PTPRD: variants seen among roughly 807,000 people sequenced by gnomAD.
PTPRD encodes the protein protein tyrosine phosphatase receptor type D.
In PTPRD, 34 loss-of-function variants were observed where a neutral mutation model predicts 214.5. The observed-to-expected ratio is 0.16, with a 90% CI of 0.12 to 0.21. The LOEUF (loss-of-function observed/expected upper bound fraction) is 0.21, where lower values mean the gene tolerates loss of function less well. PTPRD is among the 10% of genes least tolerant of loss of function. The pLI is 1.00. For missense variants in PTPRD, 2,545 were observed against 2,398.7 expected (o/e 1.06, Z -1.27); for synonymous variants, 1,128 against 845.7 (o/e 1.33, Z -5.79).
chr9:9,954,391 T>C (rs566339104), intron 4 of PTPRD, among the ~76,000 whole-genome samples: 234 of 149,844 alleles, frequency 1.6e-3, no homozygotes, highest in Non-Finnish European at 1.9e-3. Context: ...AATTGTATCA[T>C]CTTTTTTTCT....
chr9:10,518,498 T>C (rs1266479478), intron 2 of PTPRD, among the ~76,000 whole-genome samples: 1 of 152,142 alleles, frequency 6.6e-6, no homozygotes. Flanking sequence ...TGTGTACAGC[T>C]TGGTCAAGGT....
At chr9:8,929,012 G>C (rs1268860178) in intron 11 of PTPRD, among the ~76,000 whole-genome samples, 1 of 152,158 alleles carries the variant, frequency 6.6e-6, no homozygotes, top group African/African-American at 2.4e-5. Flanking sequence ...GTATAGGAAT[G>C]CCTGTGATTT....
intron 6 of PTPRD, among the ~76,000 whole-genome samples, chr9:9,753,918 A>G (rs1481184127): frequency 6.6e-6 from 1 of 152,048 alleles, no homozygotes; most frequent in Non-Finnish European, 1.5e-5. Context: ...ATTTTCTAAG[A>G]AAACTCGGAT....
intron 8 of PTPRD, among the ~76,000 whole-genome samples, chr9:9,481,729 A>C (rs1335897101): frequency 6.6e-6 from 1 of 152,108 alleles, no homozygotes; most frequent in Non-Finnish European, 1.5e-5. Flanking sequence ...GCTGGCGTTC[A>C]GTTCTATTCT....
intron 3 of PTPRD, among the ~76,000 whole-genome samples, chr9:10,183,390 G>T (rs73641868): frequency 5.7e-4 from 86 of 152,154 alleles, no homozygotes; most frequent in Non-Finnish European, 9.0e-4. Context: ...AATCCTTTGC[G>T]CAAAGGAAGT....
chr9:9,845,507 G>C lies in PTPRD; in HGVS notation c.-367-78656C>G, dbSNP rs554562539. Among the ~76,000 whole-genome samples, 7 of 151,518 alleles carry C rather than the reference G, an allele frequency of 4.6e-5. No individual in the cohort carries two copies. The South Asian group carries it at 1.5e-3, about 32-fold the overall frequency. ...GTGTGTGTTTGAGGGTGAGGTGGGG[G>C]GCATCAATTCATGTTAAATTTGAGC... is the stretch of plus-strand genomic sequence containing the variant. On this transcript the variant is annotated intron_variant, in intron 5 of 45. Transcript: ENST00000381196.
intron 7 of PTPRD, among the ~76,000 whole-genome samples, chr9:9,726,096 A>C (rs768047371): frequency 1.3e-5 from 2 of 152,202 alleles, no homozygotes; most frequent in African/African-American, 2.4e-5. Context: ...TTTAAGGACA[A>C]CTTGTACATC....
chr9:9,421,510 A>G (rs1021897407), intron 8 of PTPRD, among the ~76,000 whole-genome samples: 4 of 152,078 alleles, frequency 2.6e-5, no homozygotes, highest in African/African-American at 9.7e-5. Flanking sequence ...GGTACTGCCA[A>G]TTTCAAATAC....
chr9:10,060,827 T>TTC lies in PTPRD; in HGVS notation c.-544-27038_-544-27037insGA, dbSNP rs1567404341. On this transcript the variant is annotated intron_variant, in intron 3 of 45. Coordinates refer to ENST00000381196, the MANE Select transcript of PTPRD (RefSeq NM_002839.4). ...TCCTTTCTTTCTTTCTTTCTTTCTT[T>TTC]CTTCCTTCCTTCCTTCCTTTCCTTT... is the stretch of plus-strand genomic sequence containing the variant. Among the ~76,000 whole-genome samples the TTC allele has an allele frequency of 1.4e-3, 170 of 119,778 alleles. 6 individuals carry two copies. The highest frequency in any genetic ancestry group is 4.2e-3 in the Admixed American group (55 of 13,052). 78.6% of individuals were successfully genotyped at this position (119,778 alleles called of 152,430 possible).
At chr9:8,906,523 G>A (rs372649074) in intron 11 of PTPRD, among the ~76,000 whole-genome samples, 14 of 152,114 alleles carry the variant, frequency 9.2e-5, no homozygotes, top group Non-Finnish European at 1.6e-4. Context: ...ATACACTGAC[G>A]TACTACATTG....
At chr9:9,893,353 G>C (rs964097118) in intron 5 of PTPRD, among the ~76,000 whole-genome samples, 2 of 151,964 alleles carry the variant, frequency 1.3e-5, no homozygotes, top group Non-Finnish European at 2.9e-5. Context: ...AAGGAACCAA[G>C]AGCCATTGGT....
chr9:10,017,359 T>C (rs2096741985), intron 4 of PTPRD, among the ~76,000 whole-genome samples: 2 of 152,164 alleles, frequency 1.3e-5, no homozygotes, highest in South Asian at 2.1e-4. Flanking sequence ...ATGTGTTGCA[T>C]ATATTTAATT....
At chr9:10,497,493 A>G (rs141072918) in intron 2 of PTPRD, among the ~76,000 whole-genome samples, 8 of 152,142 alleles carry the variant, frequency 5.3e-5, no homozygotes, top group Admixed American at 5.3e-4. Flanking sequence ...GCAGGAGGTT[A>G]GTCATCTGGT....
At chr9:10,242,696 A>AC (rs981940224) in intron 3 of PTPRD, among the ~76,000 whole-genome samples, 26 of 151,202 alleles carry the variant, frequency 1.7e-4, no homozygotes, top group African/African-American at 6.3e-4. Context: ...TTAATTAAAA[A>AC]AAAATCTCCG....
intron 10 of PTPRD, among the ~76,000 whole-genome samples, chr9:9,071,662 A>G (rs2099743917): frequency 6.6e-6 from 1 of 152,308 alleles, no homozygotes; most frequent in East Asian, 1.9e-4. Context: ...GAATGAAACT[A>G]GAAGAAAAAT....
chr9:8,977,849 G>T (rs2099277250), intron 11 of PTPRD, among the ~76,000 whole-genome samples: 1 of 151,968 alleles, frequency 6.6e-6, no homozygotes, highest in African/African-American at 2.4e-5. Context: ...ACTGAGGGAG[G>T]TAGAAAATGT....
intron 9 of PTPRD, among the ~76,000 whole-genome samples, chr9:9,188,659 G>C (rs754210331): frequency 3.9e-5 from 6 of 152,038 alleles, no homozygotes; most frequent in Admixed American, 6.6e-5. Context: ...TGTGCCATGA[G>C]TGGTAAAGAC....
At chr9:9,570,374 T>C (rs1366764797) in intron 8 of PTPRD, among the ~76,000 whole-genome samples, 1 of 151,534 alleles carries the variant, frequency 6.6e-6, no homozygotes, top group Non-Finnish European at 1.5e-5. Flanking sequence ...ACTTCATTTT[T>C]CCCCAAGCCC....
intron 9 of PTPRD, among the ~76,000 whole-genome samples, chr9:9,280,603 T>C (rs1263928359): frequency 6.6e-6 from 1 of 151,182 alleles, no homozygotes; most frequent in Non-Finnish European, 1.5e-5. Context: ...AGGAAAACTA[T>C]AAAACTTTGA....
Sources: allele counts gnomAD v4.1 joint callset (sites outside exome capture counted in the v4.1 genomes callset), GRCh38; gene constraint gnomAD v4.1.1; transcripts MANE v1.5; gene names NCBI Gene and HGNC (gene_info 2026-07-23, HGNC 2026-07-21).